The following EPHA2 variants were observed in gnomAD, a reference collection of about 807,000 sequenced individuals.
The protein encoded by EPHA2 is ephrin type-A receptor 2.
In EPHA2, 54 loss-of-function variants were observed where a neutral mutation model predicts 104.9. The observed-to-expected ratio is 0.51, with a 90% CI of 0.41 to 0.65. The LOEUF (loss-of-function observed/expected upper bound fraction) is 0.65. Ranked by LOEUF, EPHA2 falls within the 30% of genes least tolerant of loss-of-function variation. The probability of loss-of-function intolerance (pLI) is 0.00; values close to 1 mark genes in which losing one functional copy is unlikely to be tolerated. For synonymous variants in EPHA2, 560 were observed against 559.1 expected (o/e 1.00, Z -0.02); for missense variants, 1,117 against 1,369.5 (o/e 0.82, Z 2.91).
chr1:16,126,541 A>AGACATTTGG (rs1358970301), intron 16 of EPHA2, among the ~76,000 whole-genome samples: 3 of 152,200 alleles, frequency 2.0e-5, no homozygotes, highest in Admixed American at 6.5e-5. Context: ...AGGAAGGCCG[A>AGACATTTGG]GACATTTGGG....
At chr1:16,149,679 C>A (rs1282448475) in intron 2 of EPHA2, among the ~76,000 whole-genome samples, 1 of 152,182 alleles carries the variant, frequency 6.6e-6, no homozygotes, top group Non-Finnish European at 1.5e-5. Context: ...GGCCAGGTGC[C>A]CCCCGCCACC....
At position 16,138,285 on chromosome 1, in the gene EPHA2, C is replaced by T; in HGVS notation, c.969G>A (p.Met323Ile). Residue 323 changes from methionine to isoleucine, a missense_variant, in exon 4 of 17, where the codon ATG becomes ATA. Met to Ile is a conservative substitution (Grantham distance 10). Transcript: ENST00000358432. The part of the protein sequence containing the change: ...FFRAPQDPAS[M>I]PCTRPPSAPH... ...CACTGCAAGACTCACGTGTGCAAGG[C>T]ATCGACGCTGGGTCCTGAGGTGCCC... The T allele has an allele frequency of 6.2e-7, 1 of 1,613,490 alleles. No individual in the cohort carries two copies. The highest frequency in any genetic ancestry group is 1.1e-5 in the South Asian group (1 of 91,024).
chr1:16,137,916 C>G lies in EPHA2; in HGVS notation c.1249G>C (p.Gly417Arg). 6.2e-7 allele frequency: 1 copy of G among 1,614,094 alleles called. No homozygotes were observed. The highest frequency in any genetic ancestry group is 8.5e-7 in the Non-Finnish European group (1 of 1,180,040). Residue 417 changes from glycine (G) to arginine (R), a missense_variant, in exon 5 of 17, where the codon GGC becomes CGC. By Grantham distance (125) the Gly-to-Arg change is moderately radical. This residue lies in a region of EPHA2 where 664 missense variants were observed against 784.8 expected (regional missense o/e 0.85). Transcript: ENST00000358432. ...NYTFTVEARNGVSGLVTSRSF... is the reference protein window; with the variant it reads ...NYTFTVEARNRVSGLVTSRSF... Reference sequence around the variant, plus strand: ...CGGCTGGTTACCAGGCCTGAGACGCCATTGCGGGCCTCCACGGTGAAGGTG... The same window carrying G: ...CGGCTGGTTACCAGGCCTGAGACGCGATTGCGGGCCTCCACGGTGAAGGTG...
rs531046276 is a variant in EPHA2, at chr1:16,133,860, C to G, written c.1738G>C (p.Glu580Gln). ...SPEDVYFSKSEQLKPLKTYVD... is the reference protein window; with the variant it reads ...SPEDVYFSKSQQLKPLKTYVD... ...GCCTGGAGCGGGGGCTGCGTCTCACCTGACTTGGAGAAGTAAACGTCCTCC... is the reference window on the plus strand; with the variant it reads ...GCCTGGAGCGGGGGCTGCGTCTCACGTGACTTGGAGAAGTAAACGTCCTCC... The change falls in exon 9 of 17, where the codon GAA becomes CAA. Residue 580 changes from glutamate (E) to glutamine (Q), a missense_variant and splice_region_variant. By Grantham distance (29) the Glu-to-Gln change is conservative. This residue lies in a region of EPHA2 where 113 missense variants were observed against 104.3 expected (regional missense o/e 1.08). Coordinates refer to ENST00000358432, the MANE Select transcript of EPHA2 (RefSeq NM_004431.5). 8 of 1,548,230 alleles carry G rather than the reference C, an allele frequency of 5.2e-6. No individual in the cohort carries two copies. The highest frequency in any genetic ancestry group is 8.7e-7 in the Non-Finnish European group (1 of 1,144,934).
Position 16,128,716 on chromosome 1 carries a change from AG to A in EPHA2, c.2825+717del, listed in dbSNP as rs1553134384. On this transcript the variant is annotated intron_variant, in intron 16 of 16. Transcript: ENST00000358432. The surrounding 1 kb of genome is among the most constrained non-coding windows in gnomAD (Gnocchi z 4.7). ...AAAAGTCTCAATGCTGGAGTTGGGA[AG>A]GGGAGAAGAGCTGCCAAGGGGCAGC... is the stretch of plus-strand genomic sequence containing the variant. Among the ~76,000 whole-genome samples the A allele has an allele frequency of 6.6e-6, 1 of 152,130 alleles. No individual in the cohort carries two copies. Among genetic ancestry groups the A allele is most frequent in the Non-Finnish European group, 1.5e-5 (1 of 68,022 alleles).
At chr1:16,144,999 C>T (rs548882741) in intron 3 of EPHA2, among the ~76,000 whole-genome samples, 1 of 152,324 alleles carries the variant, frequency 6.6e-6, no homozygotes, top group Admixed American at 6.5e-5. Context: ...GGGAGGGGAC[C>T]TCCCCAAGGG....
Position 16,155,720 on chromosome 1 carries a change from T to A in EPHA2, c.85+128A>T. On this transcript the variant is annotated intron_variant, in intron 1 of 16. Transcript: ENST00000358432. ...CGCCTCGATCGCAGCCCGTGCGCCCTCCGGACTCCAGTTCGCCGGGACTGG... is the reference window on the plus strand; with the variant it reads ...CGCCTCGATCGCAGCCCGTGCGCCCACCGGACTCCAGTTCGCCGGGACTGG... The A allele has an allele frequency of 1.6e-5, 12 of 729,348 alleles. No homozygotes were observed. In the South Asian group the frequency reaches 3.6e-4, roughly 22 times the overall value. The allele number at this position is 729,348 out of a possible 1,614,324, so 45.2% of individuals were successfully genotyped here.
At chr1:16,139,898 C>A (rs983740084) in intron 3 of EPHA2, among the ~76,000 whole-genome samples, 3 of 152,220 alleles carry the variant, frequency 2.0e-5, no homozygotes, top group Non-Finnish European at 2.9e-5. Flanking sequence ...CAGGAAAAAT[C>A]TGTGCCTGGA....
chr1:16,136,600 C>T (rs948436589), intron 5 of EPHA2, among the ~76,000 whole-genome samples: 2 of 143,540 alleles, frequency 1.4e-5, no homozygotes, highest in Non-Finnish European at 3.0e-5. Flanking sequence ...GCCTGGGCAA[C>T]AAGAGCAAAA....
intron 16 of EPHA2, among the ~76,000 whole-genome samples, chr1:16,126,706 C>T (rs978307815): frequency 3.3e-5 from 5 of 152,240 alleles, no homozygotes; most frequent in South Asian, 2.1e-4. Flanking sequence ...ACAGGACCCC[C>T]GGCCTGACCC....
Position 16,135,054 on chromosome 1 carries a change from G to A in EPHA2, c.1564C>T (p.His522Tyr). Residue 522 changes from histidine (H) to tyrosine (Y), a missense_variant, in exon 7 of 17, where the codon CAC becomes TAC. His to Tyr is a moderately conservative substitution (Grantham distance 83, BLOSUM62 2). This residue lies in a region of EPHA2 where 664 missense variants were observed against 784.8 expected (regional missense o/e 0.85). Transcript: ENST00000358432. This position sits in a 1 kb window ranked among gnomAD's most constrained non-coding sequence, Gnocchi z 4.3. ...QEGQGAGSKV[H>Y]EFQTLSPEGS... ...AACTCACACAGCGTCTGGAATTCGT[G>A]CACCTTGCTGCCGGCCCCCTGGCCC... 6.2e-7 allele frequency: 1 copy of A among 1,613,092 alleles called. No individual in the cohort carries two copies. The highest frequency in any genetic ancestry group is 1.1e-5 in the South Asian group (1 of 91,088).
At position 16,138,010 on chromosome 1, in the gene EPHA2, G is replaced by A. The variant is rs1302048792; in HGVS notation, c.1155C>T (p.Tyr385=). ...GGGTCAGTCCGTGAGGAGGCTCCGA[G>A]TAGCGCACACTGGCCTCACACGGCC... ...ECGPCEASVR[Y]SEPPHGLTRT... is the part of the protein sequence containing the mutation. Residue 385 remains tyrosine (Y), a synonymous_variant, in exon 5 of 17, where the codon TAC becomes TAT. Coordinates refer to ENST00000358432, the MANE Select transcript of EPHA2 (RefSeq NM_004431.5). 1 of 1,613,904 alleles carries A rather than the reference G, an allele frequency of 6.2e-7. No homozygotes were observed. Among genetic ancestry groups the A allele is most frequent in the South Asian group, 1.1e-5 (1 of 91,084 alleles).
rs562470067 is a variant in EPHA2 at position 16,146,621 on chromosome 1, C to G, written c.823+1757G>C. On this transcript the variant is annotated intron_variant, in intron 3 of 16. Transcript: ENST00000358432. The stretch of plus-strand genomic sequence containing the variant: ...GCCTGGGGAAGGGGGGCTCGCTCAG[C>G]AGAGGGGAGCTGGGAAGACAAGGGG... Among the ~76,000 whole-genome samples, 14 of 152,344 alleles carry G rather than the reference C, an allele frequency of 9.2e-5. No individual in the cohort carries two copies. The East Asian group carries it at 2.5e-3, about 27-fold the overall frequency.
intron 11 of EPHA2, 21 bp from the exon 12 acceptor site, chr1:16,132,460 G>A: frequency 1.2e-6 from 2 of 1,613,406 alleles, no homozygotes; most frequent in Non-Finnish European, 1.7e-6. Context: ...GTGGGCACAG[G>A]TGAGAGGTAA....
chr1:16,131,985 A>G lies in EPHA2; in HGVS notation c.2325+79T>C. 6.2e-7 allele frequency: 1 copy of G among 1,610,666 alleles called. No homozygotes were observed. Among genetic ancestry groups the G allele is most frequent in the Non-Finnish European group, 8.5e-7 (1 of 1,177,984 alleles). On this transcript the variant is annotated intron_variant, in intron 13 of 16. Coordinates refer to ENST00000358432, the MANE Select transcript of EPHA2 (RefSeq NM_004431.5). The surrounding 1 kb of genome is among the most constrained non-coding windows in gnomAD (Gnocchi z 5.2). ...CTACAGGTGTTCTGCCTCCTGAAGC[A>G]CTGCCCAGGTGTGCAGGTGAGAGGA...
At chr1:16,137,370 G>A (rs1416147436) in intron 5 of EPHA2, among the ~76,000 whole-genome samples, 3 of 151,824 alleles carry the variant, frequency 2.0e-5, no homozygotes, top group Admixed American at 1.3e-4. Flanking sequence ...AGGCCGAGGC[G>A]GGCGGATCGC....
chr1:16,148,485 C>G lies in EPHA2; in HGVS notation c.716G>C (p.Gly239Ala), dbSNP rs1384528367. The G allele has an allele frequency of 6.2e-7, 1 of 1,613,752 alleles. No individual in the cohort carries two copies. Among genetic ancestry groups the G allele is most frequent in the African/African-American group, 1.3e-5 (1 of 74,958 alleles). The change falls in exon 3 of 17, where the codon GGG (glycine) becomes GCG (alanine). Residue 239 changes from glycine (G) to alanine (A), a missense_variant. Gly to Ala is a moderately conservative substitution (Grantham distance 60). Around this residue, in one of 3 missense-constraint regions of EPHA2, gnomAD observed 664 missense variants for 784.8 expected, o/e 0.85. Transcript: ENST00000358432. The surrounding 1 kb of genome is among the most constrained non-coding windows in gnomAD (Gnocchi z 4.9). ...TCVDHAVVPP[G>A]GEEPRMHCAV... Reference sequence around the variant, plus strand: ...ACAGTGCATACGGGGCTCTTCACCCCCCGGTGGCACCACGGCATGGTCCAC... The same window carrying G: ...ACAGTGCATACGGGGCTCTTCACCCGCCGGTGGCACCACGGCATGGTCCAC...
chr1:16,155,724 G>C, intron 1 of EPHA2, 124 bp downstream of exon 1: 2 of 749,472 alleles, frequency 2.7e-6, no homozygotes, highest in Non-Finnish European at 3.8e-6. Flanking sequence ...GCGCCCTCCG[G>C]ACTCCAGTTC....
chr1:16,136,718 AG>A (rs1351677027), intron 5 of EPHA2, among the ~76,000 whole-genome samples: 10 of 120,246 alleles, frequency 8.3e-5, no homozygotes, highest in Admixed American at 4.0e-4. Flanking sequence ...GAAGAAAAGA[AG>A]AAGAAGAAGA....
Sources: gnomAD v4.1 joint callset for allele counts (sites outside exome capture counted in the v4.1 genomes callset) on GRCh38, gnomAD v4.1.1 for gene constraint, gnomAD v4.1.1 regional missense constraint, Gnocchi (gnomAD v3.1) non-coding constraint, MANE v1.5 for transcripts, NCBI Gene and HGNC (gene_info 2026-07-23, HGNC 2026-07-21) for gene names.